Variants in SFSWAP observed in about 807,000 individuals in gnomAD.
The protein encoded by SFSWAP is splicing factor, suppressor of white-apricot homolog.
A neutral mutation model predicts 100.7 loss-of-function variants in SFSWAP; 17 were observed. The observed-to-expected ratio is 0.17, with a 90% CI of 0.12 to 0.25. The LOEUF (loss-of-function observed/expected upper bound fraction) is 0.25, where lower values mean the gene tolerates loss of function less well. SFSWAP is among the 10% of genes least tolerant of loss of function. SFSWAP has a pLI of 1.00. For missense variants in SFSWAP, 1,005 were observed against 1,262.6 expected, an observed-to-expected ratio of 0.80 and a Z score of 3.09; for synonymous variants, 504 against 510.1, an observed-to-expected ratio of 0.99 and a Z score of 0.16.
In SFSWAP at chr12:131,766,074, C is replaced by T. The variant is rs1011487652; in HGVS notation, c.1952-44C>T. The stretch of plus-strand genomic sequence containing the variant: ...GTGAAAATTAAGATCAGATAAAATA[C>T]TGTTTGCTCTAAACTTCTCTTTTTT... On this transcript the variant is annotated intron_variant, in intron 12 of 17. Coordinates refer to ENST00000261674, the MANE Select transcript of SFSWAP (RefSeq NM_004592.4). 4.5e-6 allele frequency: 7 copies of T among 1,554,326 alleles called. No individual in the cohort carries two copies. In the South Asian group the frequency reaches 6.0e-5, roughly 13 times the overall value.
chr12:131,726,806 T>C lies in SFSWAP; in HGVS notation c.833-134T>C, dbSNP rs1256224138. On this transcript the variant is annotated intron_variant, in intron 5 of 17. Transcript: ENST00000261674. ...TTCTTCTGGACAACTTGGGTGACTCTAGGGAGAAATTTCTAAAAGTGTTTT... is the reference window on the plus strand; with the variant it reads ...TTCTTCTGGACAACTTGGGTGACTCCAGGGAGAAATTTCTAAAAGTGTTTT... 6.4e-6 allele frequency: 4 copies of C among 629,226 alleles called. No individual in the cohort carries two copies. In the East Asian group the frequency reaches 8.4e-5, roughly 13 times the overall value. The allele number at this position is 629,226 out of a possible 1,614,324, so 39.0% of individuals were successfully genotyped here.
At chr12:131,799,220 A>G in intron 17 of SFSWAP, 111 bp downstream of exon 17, 1 of 1,066,106 alleles carries the variant, frequency 9.4e-7, no homozygotes, top group South Asian at 1.3e-5. Flanking sequence ...TGGGACAGGG[A>G]TCTCGGGCAA....
At chr12:131,789,461 G>A (rs1885104062) in intron 15 of SFSWAP, among the ~76,000 whole-genome samples, 1 of 152,188 alleles carries the variant, frequency 6.6e-6, no homozygotes, top group African/African-American at 2.4e-5. Context: ...GTTGGAGGCT[G>A]TAGTGTGGGC....
chr12:131,733,683 A>G lies in SFSWAP; in HGVS notation c.1081+5255A>G, dbSNP rs1302314923. Reference sequence around the variant, plus strand: ...CTGTGACAGCCCGGAAGGAAACAGCAGTCCATACAGTCCCCTCAGGACAGG... The same window carrying G: ...CTGTGACAGCCCGGAAGGAAACAGCGGTCCATACAGTCCCCTCAGGACAGG... On this transcript the variant is annotated intron_variant, in intron 7 of 17. Transcript: ENST00000261674. This position sits in a 1 kb window ranked among gnomAD's most constrained non-coding sequence, Gnocchi z 5.1. 6.6e-6 allele frequency among the ~76,000 whole-genome samples: 1 copy of G among 152,008 alleles called. No homozygotes were observed. The highest frequency in any genetic ancestry group is 1.9e-4 in the East Asian group (1 of 5,158).
At chr12:131,799,132 C>A (rs749086473) in intron 17 of SFSWAP, 23 bp downstream of exon 17, 3 of 1,584,690 alleles carry the variant, frequency 1.9e-6, no homozygotes, top group Non-Finnish European at 2.6e-6. Context: ...GCCCCCCTCC[C>A]GCTCCCAGCC....
Position 131,719,501 on chromosome 12 carries a change from G to T in SFSWAP, c.568G>T (p.Ala190Ser), listed in dbSNP as rs1280434542. The T allele has an allele frequency of 1.2e-6, 2 of 1,614,084 alleles. No homozygotes were observed. Among genetic ancestry groups the T allele is most frequent in the South Asian group, 1.1e-5 (1 of 91,082 alleles). The change falls in exon 4 of 18, where the codon GCC (alanine) becomes TCC (serine). Residue 190 changes from alanine (A) to serine (S), a missense_variant. Ala to Ser is a moderately conservative substitution (Grantham distance 99). Coordinates refer to ENST00000261674, the MANE Select transcript of SFSWAP (RefSeq NM_004592.4). ...AGAGGAAAATGAAGAGCCCTTCGTT[G>T]CCCCCTTAGGATTGAGCGTCCCGTC... Reference protein sequence around the residue: ...NLEENEEPFVAPLGLSVPSDV... With the variant: ...NLEENEEPFVSPLGLSVPSDV...
At chr12:131,793,224 G>T (rs1885402328) in intron 15 of SFSWAP, among the ~76,000 whole-genome samples, 1 of 151,942 alleles carries the variant, frequency 6.6e-6, no homozygotes, top group Non-Finnish European at 1.5e-5. Flanking sequence ...TGGGACCACA[G>T]GCACACACCA....
At chr12:131,766,383 G>T in intron 13 of SFSWAP, 75 bp downstream of exon 13, 1 of 1,381,376 alleles carries the variant, frequency 7.2e-7, no homozygotes, top group Non-Finnish European at 1.0e-6. Flanking sequence ...TCTCCCTCCA[G>T]CTGCCCTAGT....
chr12:131,774,473 T>C (rs1389162003), intron 13 of SFSWAP, among the ~76,000 whole-genome samples: 1 of 152,212 alleles, frequency 6.6e-6, no homozygotes, highest in Non-Finnish European at 1.5e-5. Context: ...GTTAATGCTC[T>C]CATAAATGAC....
intron 13 of SFSWAP, among the ~76,000 whole-genome samples, chr12:131,774,259 A>G (rs1040704677): frequency 6.6e-6 from 1 of 152,200 alleles, no homozygotes; most frequent in African/African-American, 2.4e-5. Context: ...TAGTTAATGT[A>G]GTGTCCTTCA....
intron 15 of SFSWAP, among the ~76,000 whole-genome samples, chr12:131,792,076 GATC>G (rs1336980353): frequency 6.6e-6 from 1 of 151,780 alleles, no homozygotes; most frequent in Non-Finnish European, 1.5e-5. Context: ...TGTGTTCACG[GATC>G]ATTACTGTGT....
At chr12:131,713,935 T>C in intron 1 of SFSWAP, 136 bp from the exon 2 acceptor site, 1 of 508,408 alleles carries the variant, frequency 2.0e-6, no homozygotes. Flanking sequence ...AGAGTTTTTA[T>C]ACTTGTTTTA....
chr12:131,765,179 T>C (rs1883009661), intron 12 of SFSWAP, among the ~76,000 whole-genome samples: 1 of 152,226 alleles, frequency 6.6e-6, no homozygotes, highest in South Asian at 2.1e-4. Context: ...ACCCCAACAC[T>C]GCTGGCAGCA....
At position 131,734,535 on chromosome 12, in the gene SFSWAP, C is replaced by A. The variant is rs888215198; in HGVS notation, c.1081+6107C>A. 5.3e-5 allele frequency among the ~76,000 whole-genome samples: 8 copies of A among 152,174 alleles called. No homozygotes were observed. The East Asian group carries it at 1.5e-3, about 29-fold the overall frequency. On this transcript the variant is annotated intron_variant, in intron 7 of 17. Transcript: ENST00000261674. The surrounding 1 kb of genome is among the most constrained non-coding windows in gnomAD (Gnocchi z 4.9). ...TAGAGCCTGTTACGGTTTTGAGTTA[C>A]ACAGACATGTGTGGGCTTGTGCATG...
rs1468918738 is a variant in SFSWAP, at chr12:131,778,685, T to G, written c.2408+355T>G. Among the ~76,000 whole-genome samples the G allele has an allele frequency of 6.6e-6, 1 of 152,016 alleles. No homozygotes were observed. The highest frequency in any genetic ancestry group is 1.5e-5 in the Non-Finnish European group (1 of 68,006). On this transcript the variant is annotated intron_variant, in intron 14 of 17. Coordinates refer to ENST00000261674, the MANE Select transcript of SFSWAP (RefSeq NM_004592.4). The surrounding 1 kb of genome is among the most constrained non-coding windows in gnomAD (Gnocchi z 4.2). ...GGTGCCCACCACCACGCCTGGCTAA[T>G]TTTTGTATTTTTAGTAGAGACGGGG... is the stretch of plus-strand genomic sequence containing the variant.
chr12:131,775,224 T>C (rs1354220434), intron 13 of SFSWAP, among the ~76,000 whole-genome samples: 1 of 152,226 alleles, frequency 6.6e-6, no homozygotes, highest in Non-Finnish European at 1.5e-5. Flanking sequence ...GACGTGTTTC[T>C]CTTCCTTCTC....
chr12:131,748,912 T>A lies in SFSWAP; in HGVS notation c.1082-4211T>A, dbSNP rs550956920. On this transcript the variant is annotated intron_variant, in intron 7 of 17. Transcript: ENST00000261674. ...GAGTAACATTACGTCAGCATTTAAC[T>A]TAGTTTAAAACGTAGTCCCCTTTGG... 2.0e-5 allele frequency among the ~76,000 whole-genome samples: 3 copies of A among 152,356 alleles called. No homozygotes were observed. The East Asian group carries it at 5.8e-4, about 29-fold the overall frequency.
chr12:131,760,098 A>G (rs560795430), intron 11 of SFSWAP, among the ~76,000 whole-genome samples: 1 of 152,346 alleles, frequency 6.6e-6, no homozygotes, highest in African/African-American at 2.4e-5. Context: ...TAAATGTAAA[A>G]CATAAAACTA....
intron 15 of SFSWAP, chr12:131,796,143 G>A (rs1885661161): frequency 6.6e-6 from 1 of 152,340 alleles, no homozygotes; most frequent in South Asian, 2.1e-4. Context: ...CTCAGGGCCA[G>A]AAGCGCAGGC....
Sources: gnomAD v4.1 joint callset for allele counts (sites outside exome capture counted in the v4.1 genomes callset) on GRCh38, gnomAD v4.1.1 for gene constraint, Gnocchi (gnomAD v3.1) non-coding constraint, MANE v1.5 for transcripts, NCBI Gene and HGNC (gene_info 2026-07-23, HGNC 2026-07-21) for gene names.